TBXAS1: variants seen among roughly 807,000 people sequenced by gnomAD.
The protein encoded by TBXAS1 is thromboxane-A synthase.
A neutral mutation model predicts 60.7 loss-of-function variants in TBXAS1; 48 were observed. The observed-to-expected ratio is 0.79, with a 90% CI of 0.63 to 1.01. The LOEUF (loss-of-function observed/expected upper bound fraction) is 1.01. TBXAS1 is among the 50% of genes least tolerant of loss of function. The pLI is 0.00. For synonymous variants in TBXAS1, 287 were observed against 269.7 expected (o/e 1.06, Z -0.63); for missense variants, 685 against 686.3 (o/e 1.00, Z 0.02).
intron 1 of TBXAS1, among the ~76,000 whole-genome samples, chr7:139,863,759 T>C (rs1712132683): frequency 6.6e-6 from 1 of 152,100 alleles, no homozygotes; most frequent in Admixed American, 6.6e-5. Flanking sequence ...AGGAAGTCCA[T>C]AATCAAAATA....
chr7:139,886,690 A>G (rs1336448876), intron 3 of TBXAS1, among the ~76,000 whole-genome samples: 1 of 152,162 alleles, frequency 6.6e-6, no homozygotes, highest in Non-Finnish European at 1.5e-5. Flanking sequence ...TGCCTAGTGC[A>G]TATTCACCAC....
intron 5 of TBXAS1, among the ~76,000 whole-genome samples, chr7:139,947,852 T>C: frequency 7.0e-6 from 1 of 142,368 alleles, no homozygotes; most frequent in East Asian, 2.1e-4. Flanking sequence ...ATTGAGTGTG[T>C]GGCTTAAACA....
At chr7:139,838,198 T>C (rs962215625) in intron 1 of TBXAS1, among the ~76,000 whole-genome samples, 10 of 152,222 alleles carry the variant, frequency 6.6e-5, no homozygotes, top group African/African-American at 2.4e-4. Flanking sequence ...AATGGTCCTT[T>C]GTTGCTGCAT....
At chr7:139,779,710 C>T (rs1464742172) in intron 1 of TBXAS1, among the ~76,000 whole-genome samples, 3 of 152,194 alleles carry the variant, frequency 2.0e-5, no homozygotes, top group African/African-American at 4.8e-5. Context: ...GGCCATGCCA[C>T]GCTCCTGGCT....
intron 1 of TBXAS1, among the ~76,000 whole-genome samples, chr7:139,857,785 C>T (rs973001628): frequency 2.0e-5 from 3 of 150,918 alleles, no homozygotes; most frequent in African/African-American, 7.4e-5. Context: ...AGCTGGAGTG[C>T]AGTGGCTTGA....
chr7:140,012,462 CTT>C (rs879886189), intron 10 of TBXAS1, among the ~76,000 whole-genome samples: 4 of 143,618 alleles, frequency 2.8e-5, no homozygotes, highest in Non-Finnish European at 1.5e-5. Flanking sequence ...GTAACCAGAA[CTT>C]TTTTTTTTTT....
intron 9 of TBXAS1, among the ~76,000 whole-genome samples, chr7:139,993,360 A>G (rs533646706): frequency 2.0e-5 from 3 of 152,314 alleles, no homozygotes; most frequent in Admixed American, 6.5e-5. Flanking sequence ...TGCACAATGT[A>G]TCAAAAATTC....
chr7:139,875,790 C>T (rs1802188093), intron 3 of TBXAS1, 153 bp downstream of exon 3: 1 of 999,302 alleles, frequency 1.0e-6, no homozygotes, highest in Admixed American at 2.0e-5. Flanking sequence ...AAGAGGGAGT[C>T]CTGCAGTACA....
intron 4 of TBXAS1, among the ~76,000 whole-genome samples, chr7:139,921,865 G>C (rs74990610): frequency 4.6e-5 from 7 of 152,130 alleles, no homozygotes; most frequent in African/African-American, 1.7e-4. Flanking sequence ...GCTAGCCCAC[G>C]AGAGTAGGTG....
intron 4 of TBXAS1, among the ~76,000 whole-genome samples, chr7:139,928,518 A>T (rs997368770): frequency 2.0e-5 from 3 of 152,224 alleles, no homozygotes; most frequent in African/African-American, 7.2e-5. Context: ...GACTCTGTGC[A>T]CATTAACTAT....
rs766479574 is a variant in TBXAS1 at position 140,015,770 on chromosome 7, T to TC, written c.1278dup (p.Ala427ArgfsTer15). On this transcript the variant is annotated frameshift_variant, in exon 11 of 13. Transcript: ENST00000448866. LOFTEE classifies it high-confidence loss of function. ...GACTGCGAGGTGCTGGGGCAGCGCA[T>TC]CCCCGCAGGCGCTGTGCTAGAGATG... 6.2e-7 allele frequency: 1 copy of TC among 1,613,576 alleles called. No individual in the cohort carries two copies. The highest frequency in any genetic ancestry group is 1.7e-5 in the Admixed American group (1 of 60,026).
intron 3 of TBXAS1, chr7:139,906,195 A>G: frequency 3.9e-6 from 1 of 256,386 alleles, no homozygotes; most frequent in Non-Finnish European, 7.9e-6. Context: ...AGCTGGCACT[A>G]CAGGTATGTG....
intron 9 of TBXAS1, among the ~76,000 whole-genome samples, chr7:139,966,508 C>T (rs1022905357): frequency 1.3e-5 from 2 of 152,234 alleles, no homozygotes; most frequent in African/African-American, 4.8e-5. Flanking sequence ...TTTCTCTGGG[C>T]ACACTCCCTT....
At chr7:139,811,810 C>A (rs1215309942) in intron 4 of TBXAS1, among the ~76,000 whole-genome samples, 1 of 152,136 alleles carries the variant, frequency 6.6e-6, no homozygotes, top group Admixed American at 6.5e-5. Flanking sequence ...ATGAGAAATG[C>A]CCCCTTTAAA....
At chr7:139,955,178 G>A (rs982304902) in intron 6 of TBXAS1, among the ~76,000 whole-genome samples, 1 of 152,118 alleles carries the variant, frequency 6.6e-6, no homozygotes, top group Non-Finnish European at 1.5e-5. Flanking sequence ...CCTGAGGCTC[G>A]AAGGTGGAAG....
chr7:139,837,016 C>A (rs1371770777), intron 1 of TBXAS1, among the ~76,000 whole-genome samples: 2 of 152,094 alleles, frequency 1.3e-5, no homozygotes, highest in East Asian at 3.8e-4. Flanking sequence ...ATAGACAGTT[C>A]TCAAAAGAAG....
intron 1 of TBXAS1, among the ~76,000 whole-genome samples, chr7:139,868,304 AT>A (rs1012327648): frequency 2.0e-5 from 3 of 151,938 alleles, no homozygotes; most frequent in East Asian, 3.8e-4. Flanking sequence ...ACATAAAAGG[AT>A]TTTTTTTACA....
intron 9 of TBXAS1, among the ~76,000 whole-genome samples, chr7:139,987,930 A>G (rs920995065): frequency 6.6e-6 from 1 of 152,210 alleles, no homozygotes; most frequent in Middle Eastern, 3.2e-3. Flanking sequence ...CCAGTTCCAC[A>G]AAAGAACGGA....
intron 6 of TBXAS1, 115 bp downstream of exon 6, chr7:139,953,571 C>T (rs1809588830): frequency 2.0e-6 from 2 of 985,394 alleles, no homozygotes; most frequent in Admixed American, 3.8e-5. Flanking sequence ...ACGCTAGAAG[C>T]TCATAAAAGC....
Sources: gnomAD v4.1 joint callset for allele counts (sites outside exome capture counted in the v4.1 genomes callset) on GRCh38, gnomAD v4.1.1 for gene constraint, MANE v1.5 for transcripts, NCBI Gene and HGNC (gene_info 2026-07-23, HGNC 2026-07-21) for gene names.